IQGAP2: variants seen among roughly 807,000 people sequenced by gnomAD.
IQGAP2 encodes IQ motif containing GTPase activating protein 2.
In IQGAP2, 173 loss-of-function variants were observed where a neutral mutation model predicts 201.3. That is an observed-to-expected ratio of 0.86 (90% CI 0.76 to 0.98). The LOEUF is 0.98. Among genes scored for constraint, IQGAP2 ranks in the 50% least tolerant of loss-of-function variants. The probability of loss-of-function intolerance (pLI) is 0.00; values close to 1 mark genes in which losing one functional copy is unlikely to be tolerated. For synonymous variants in IQGAP2, 675 were observed against 673.9 expected, an observed-to-expected ratio of 1.00 and a Z score of -0.03; for missense variants, 1,687 against 1,864.8, an observed-to-expected ratio of 0.90 and a Z score of 1.76.
intron 2 of IQGAP2, among the ~76,000 whole-genome samples, chr5:76,473,180 C>T (rs897450093): frequency 1.3e-5 from 2 of 152,172 alleles, no homozygotes; most frequent in Non-Finnish European, 2.9e-5. Flanking sequence ...TTGATCATGT[C>T]TTCCTTGTAA....
intron 2 of IQGAP2, among the ~76,000 whole-genome samples, chr5:76,467,009 G>C (rs1754817980): frequency 6.6e-6 from 1 of 152,210 alleles, no homozygotes; most frequent in Non-Finnish European, 1.5e-5. Flanking sequence ...CCAGCACTTT[G>C]GGAGGCTAAG....
intron 1 of IQGAP2, among the ~76,000 whole-genome samples, chr5:76,435,673 T>G (rs1752612926): frequency 6.6e-6 from 1 of 152,200 alleles, no homozygotes; most frequent in African/African-American, 2.4e-5. Flanking sequence ...TTCAGGCTGT[T>G]TTTTGGTTCC....
chr5:76,546,878 A>G (rs982092618), intron 2 of IQGAP2, among the ~76,000 whole-genome samples: 13 of 152,206 alleles, frequency 8.5e-5, no homozygotes, highest in Non-Finnish European at 2.9e-5. Context: ...GTGAAGAGGA[A>G]GAGGTGGGAG....
chr5:76,623,442 G>T, intron 13 of IQGAP2: 1 of 579,178 alleles, frequency 1.7e-6, no homozygotes, highest in Non-Finnish European at 3.0e-6. Flanking sequence ...CATGACTCAG[G>T]CCAAGCCTCT....
intron 5 of IQGAP2, among the ~76,000 whole-genome samples, chr5:76,580,497 T>C (rs889137242): frequency 6.6e-6 from 1 of 152,194 alleles, no homozygotes; most frequent in African/African-American, 2.4e-5. Flanking sequence ...AACAAAGTAC[T>C]TGTGTTTTAA....
At chr5:76,539,035 G>T (rs1759781746) in intron 2 of IQGAP2, among the ~76,000 whole-genome samples, 1 of 152,186 alleles carries the variant, frequency 6.6e-6, no homozygotes, top group South Asian at 2.1e-4. Flanking sequence ...AGCAGCCTGT[G>T]CAAAGGACAG....
At chr5:76,705,963 T>G (rs1747856749) in intron 35 of IQGAP2, among the ~76,000 whole-genome samples, 1 of 152,216 alleles carries the variant, frequency 6.6e-6, no homozygotes, top group Non-Finnish European at 1.5e-5. Flanking sequence ...GAGAGTTGAT[T>G]TCCTTTGTTT....
At chr5:76,567,205 G>A (rs1232096806) in intron 3 of IQGAP2, among the ~76,000 whole-genome samples, 2 of 152,174 alleles carry the variant, frequency 1.3e-5, no homozygotes, top group Admixed American at 6.5e-5. Context: ...TTCCTCACCT[G>A]TGAAGTGGGA....
intron 2 of IQGAP2, among the ~76,000 whole-genome samples, chr5:76,538,838 G>C (rs1319024260): frequency 3.9e-5 from 6 of 152,174 alleles, no homozygotes; most frequent in African/African-American, 7.2e-5. Flanking sequence ...CTGGGGTGGA[G>C]AGGAGAGGAT....
chr5:76,578,563 C>T (rs146366431), intron 5 of IQGAP2, among the ~76,000 whole-genome samples: 1 of 152,194 alleles, frequency 6.6e-6, no homozygotes, highest in Non-Finnish European at 1.5e-5. Context: ...CTGCCTGCCT[C>T]AGCTTCCCAG....
chr5:76,589,687 G>C lies in IQGAP2; in HGVS notation c.599G>C (p.Gly200Ala), dbSNP rs534471919. 49 of 1,608,644 alleles carry C rather than the reference G, an allele frequency of 3.0e-5. 1 individual carries two copies. In the South Asian group the frequency reaches 5.2e-4, roughly 17 times the overall value. Residue 200 changes from glycine (G) to alanine (A), a missense_variant, in exon 7 of 36, where the codon GGT (glycine) becomes GCT (alanine). Coordinates refer to ENST00000274364, the MANE Select transcript of IQGAP2 (RefSeq NM_006633.5). The stretch of plus-strand genomic sequence containing the variant: ...CAGATGCCATCTTTCAGCAAAATAG[G>C]TGGTATTCTGGCCAATGAACTGTCC... Reference protein sequence around the residue: ...GIQMPSFSKIGGILANELSVD... With the variant: ...GIQMPSFSKIAGILANELSVD...
intron 17 of IQGAP2, among the ~76,000 whole-genome samples, chr5:76,649,728 A>C (rs887930370): frequency 1.3e-5 from 2 of 152,140 alleles, no homozygotes; most frequent in African/African-American, 4.8e-5. Context: ...CCACTAGGCA[A>C]TGCCCCAGTG....
intron 14 of IQGAP2, among the ~76,000 whole-genome samples, chr5:76,630,570 T>G (rs1253400655): frequency 1.3e-5 from 2 of 152,148 alleles, no homozygotes; most frequent in African/African-American, 4.8e-5. Flanking sequence ...ATCCAAGAAA[T>G]GTGTGCCTTT....
intron 12 of IQGAP2, chr5:76,607,651 C>T (rs758719037): frequency 2.0e-5 from 3 of 152,196 alleles, no homozygotes; most frequent in Admixed American, 6.6e-5. Flanking sequence ...TTAGTCAAGA[C>T]GCAAGCTCTA....
chr5:76,514,978 C>G (rs985388372), intron 2 of IQGAP2, among the ~76,000 whole-genome samples: 16 of 152,174 alleles, frequency 1.1e-4, no homozygotes, highest in Non-Finnish European at 1.8e-4. Context: ...TTGTGACGTA[C>G]AGTGCAATAG....
intron 14 of IQGAP2, among the ~76,000 whole-genome samples, chr5:76,627,814 G>A (rs1750380983): frequency 6.6e-6 from 1 of 152,076 alleles, no homozygotes; most frequent in Admixed American, 6.5e-5. Flanking sequence ...CTTAATAAAT[G>A]CCTTTTTCTC....
At chr5:76,441,442 T>C in intron 1 of IQGAP2, 1 of 957,740 alleles carries the variant, frequency 1.0e-6, no homozygotes, top group Non-Finnish European at 1.2e-6. Context: ...AGGTTGTGTC[T>C]AAGTCACGGG....
intron 1 of IQGAP2, among the ~76,000 whole-genome samples, chr5:76,456,218 G>A (rs983402230): frequency 6.6e-6 from 1 of 152,172 alleles, no homozygotes; most frequent in African/African-American, 2.4e-5. Flanking sequence ...CATAATTTTA[G>A]TGTCTTGATG....
At chr5:76,622,284 G>A (rs908084170) in intron 13 of IQGAP2, among the ~76,000 whole-genome samples, 7 of 152,132 alleles carry the variant, frequency 4.6e-5, no homozygotes, top group Non-Finnish European at 8.8e-5. Flanking sequence ...CTCCCAGAAA[G>A]AGCGTGCACT....
Sources: gnomAD v4.1 joint callset for allele counts (sites outside exome capture counted in the v4.1 genomes callset) on GRCh38, gnomAD v4.1.1 for gene constraint, MANE v1.5 for transcripts, NCBI Gene and HGNC (gene_info 2026-07-23, HGNC 2026-07-21) for gene names.